Variants in ASCC1 observed in about 807,000 individuals in gnomAD.
ASCC1 encodes the protein activating signal cointegrator 1 complex subunit 1.
A neutral mutation model predicts 46.6 loss-of-function variants in ASCC1; 35 were observed. That is an observed-to-expected ratio of 0.75 (90% CI 0.57 to 0.99). The LOEUF is 0.99. Ranked by LOEUF, ASCC1 falls within the 50% of genes least tolerant of loss-of-function variation. The pLI is 0.00. For missense variants in ASCC1, 376 were observed against 428.7 expected, an observed-to-expected ratio of 0.88 and a Z score of 1.09; for synonymous variants, 143 against 146.6, an observed-to-expected ratio of 0.98 and a Z score of 0.18.
At chr10:72,177,099 T>C (rs1413771883) in intron 5 of ASCC1, among the ~76,000 whole-genome samples, 2 of 152,148 alleles carry the variant, frequency 1.3e-5, no homozygotes, top group Non-Finnish European at 2.9e-5. Flanking sequence ...ATGTTATATA[T>C]ACCTGGTATA....
At chr10:72,190,235 C>T in intron 5 of ASCC1, 2 of 768,736 alleles carry the variant, frequency 2.6e-6, no homozygotes, top group Admixed American at 3.4e-5. Context: ...CTGAAGCCTT[C>T]AATCTGTTGC....
rs1475090766 is a variant in ASCC1, at chr10:72,161,549, C to T, written c.615G>A (p.Glu205=). The change falls in exon 6 of 10, where the codon GAG becomes GAA. Residue 205 remains glutamate (E), a synonymous_variant. Coordinates refer to ENST00000672957, the MANE Select transcript of ASCC1 (RefSeq NM_001198800.3). ...QTCEMLQQCK[E]EFINDISGGK... ...TGAGAATTACTCACTTAATGAATTC[C>T]TCTTTACACTGCTGTAGCATCTCAC... The T allele has an allele frequency of 6.2e-7, 1 of 1,614,182 alleles. No individual in the cohort carries two copies. The highest frequency in any genetic ancestry group is 8.5e-7 in the Non-Finnish European group (1 of 1,180,030).
At chr10:72,159,036 T>C (rs1849317036) in intron 6 of ASCC1, 1 of 152,210 alleles carries the variant, frequency 6.6e-6, no homozygotes, top group Non-Finnish European at 1.5e-5. Flanking sequence ...AACAAATGCA[T>C]GTGATGGGAG....
At chr10:72,147,875 A>C (rs1380147425) in intron 7 of ASCC1, among the ~76,000 whole-genome samples, 1 of 152,248 alleles carries the variant, frequency 6.6e-6, no homozygotes, top group Non-Finnish European at 1.5e-5. Context: ...TAGAGATAAA[A>C]TATTACTTAG....
At chr10:72,192,614 C>T (rs1021695854) in intron 5 of ASCC1, among the ~76,000 whole-genome samples, 3 of 152,172 alleles carry the variant, frequency 2.0e-5, no homozygotes, top group Non-Finnish European at 4.4e-5. Context: ...GTGCCTCAGC[C>T]TCCCGAGTAG....
chr10:72,178,942 G>A (rs1852208983), intron 5 of ASCC1, among the ~76,000 whole-genome samples: 1 of 151,444 alleles, frequency 6.6e-6, no homozygotes, highest in African/African-American at 2.4e-5. Flanking sequence ...TTTTTCAGAA[G>A]ATGAAGAGTC....
At chr10:72,136,694 T>C (rs1846259671) in intron 7 of ASCC1, among the ~76,000 whole-genome samples, 1 of 152,196 alleles carries the variant, frequency 6.6e-6, no homozygotes, top group South Asian at 2.1e-4. Flanking sequence ...CTCTTCACAA[T>C]CAATCTTGCT....
At chr10:72,111,705 G>C (rs1261132628) in intron 9 of ASCC1, among the ~76,000 whole-genome samples, 1 of 151,888 alleles carries the variant, frequency 6.6e-6, no homozygotes, top group East Asian at 1.9e-4. Context: ...GCAATGGTGC[G>C]ATCTTGGCTC....
At position 72,213,564 on chromosome 10, in the gene ASCC1, AC is replaced by A. The variant is rs200273847; in HGVS notation, c.-33-234del. Among the ~76,000 whole-genome samples, 2,734 of 111,542 alleles carry A rather than the reference AC, an allele frequency of 0.025. 61 individuals are homozygous for A. Among genetic ancestry groups the A allele is most frequent in the African/African-American group, 0.069 (2,225 of 32,206 alleles). 73.2% of individuals were successfully genotyped at this position (111,542 alleles called of 152,430 possible). A position where few individuals can be genotyped will look rare whatever the true frequency, so the allele number is the denominator to read the frequency against. ...CAAAGTAATTTGTAAACTATTTATC[AC>A]CCCCCCCCCAAAAATGATTAAAAGG... On this transcript the variant is annotated intron_variant, in intron 1 of 9. Transcript: ENST00000672957.
intron 9 of ASCC1, among the ~76,000 whole-genome samples, chr10:72,122,564 GAGTTAGAGA>G (rs1428285514): frequency 6.6e-6 from 1 of 152,008 alleles, no homozygotes; most frequent in Non-Finnish European, 1.5e-5. Flanking sequence ...TTGAGCCCAG[GAGTTAGAGA>G]ACAGCCTGGA....
In ASCC1 at chr10:72,182,827, AAG is replaced by A. The variant is rs536612512; in HGVS notation, c.489+13982_489+13983del. On this transcript the variant is annotated intron_variant, in intron 5 of 9. Coordinates refer to ENST00000672957, the MANE Select transcript of ASCC1 (RefSeq NM_001198800.3). ...CCTGTCTCTAAAAGAAAAAAAAAAA[AAG>A]AGAGAGAGAGACAAAAAACTAAATG... Among the ~76,000 whole-genome samples, 5 of 148,856 alleles carry A rather than the reference AAG, an allele frequency of 3.4e-5. No homozygotes were observed. In the East Asian group the frequency reaches 5.9e-4, roughly 17 times the overall value.
intron 3 of ASCC1, among the ~76,000 whole-genome samples, chr10:72,210,271 T>C (rs1026985997): frequency 1.3e-5 from 2 of 149,622 alleles, no homozygotes; most frequent in African/African-American, 2.6e-5. Flanking sequence ...GTGATTCTCC[T>C]GCCTCAGCCT....
intron 5 of ASCC1, among the ~76,000 whole-genome samples, chr10:72,172,762 TTA>T (rs1851299887): frequency 9.4e-6 from 1 of 106,808 alleles, no homozygotes; most frequent in Non-Finnish European, 2.2e-5. Flanking sequence ...TATTTTTATA[TTA>T]TATATTATAT....
intron 5 of ASCC1, among the ~76,000 whole-genome samples, chr10:72,181,878 G>T (rs184895294): frequency 6.6e-6 from 1 of 152,028 alleles, no homozygotes; most frequent in Non-Finnish European, 1.5e-5. Context: ...TAGAGATGGG[G>T]TTTCACCATG....
chr10:72,199,844 A>C (rs1021791516), intron 4 of ASCC1, among the ~76,000 whole-genome samples: 2 of 151,280 alleles, frequency 1.3e-5, no homozygotes, highest in Admixed American at 1.3e-4. Flanking sequence ...AGATCCTCCC[A>C]CCTCAGCCTC....
intron 5 of ASCC1, 89 bp downstream of exon 5, chr10:72,196,722 T>C: frequency 7.5e-7 from 1 of 1,336,884 alleles, no homozygotes; most frequent in Non-Finnish European, 1.0e-6. Flanking sequence ...AAGAAGTTTA[T>C]AACTCCCTAC....
At chr10:72,148,120 T>C (rs1217450439) in intron 7 of ASCC1, among the ~76,000 whole-genome samples, 1 of 152,048 alleles carries the variant, frequency 6.6e-6, no homozygotes, top group Non-Finnish European at 1.5e-5. Context: ...ACTATATATT[T>C]ACAGGTTTTT....
At chr10:72,168,469 C>T (rs894104710) in intron 5 of ASCC1, among the ~76,000 whole-genome samples, 1 of 152,172 alleles carries the variant, frequency 6.6e-6, no homozygotes, top group African/African-American at 2.4e-5. Flanking sequence ...TCATACATTG[C>T]TAGCAGAAAT....
At chr10:72,172,414 CAAAAAAA>C (rs1041390323) in intron 5 of ASCC1, among the ~76,000 whole-genome samples, 5 of 40,296 alleles carry the variant, frequency 1.2e-4, no homozygotes, top group Admixed American at 2.6e-4. Flanking sequence ...AACTCAGTCT[CAAAAAAA>C]AAAAAAAAAA....
Sources: gnomAD v4.1 joint callset for allele counts (sites outside exome capture counted in the v4.1 genomes callset) on GRCh38, gnomAD v4.1.1 for gene constraint, MANE v1.5 for transcripts, NCBI Gene and HGNC (gene_info 2026-07-23, HGNC 2026-07-21) for gene names.